Variants in COL19A1 observed in about 807,000 individuals in gnomAD.
The protein encoded by COL19A1 is collagen type XIX alpha 1 chain.
Under a neutral mutation model 190.2 loss-of-function variants are expected in COL19A1, and 159 were observed. The observed-to-expected ratio is 0.84, with a 90% CI of 0.73 to 0.95. COL19A1 has a LOEUF of 0.95. COL19A1 is among the 40% of genes least tolerant of loss of function. COL19A1 has a pLI of 0.00. For synonymous variants in COL19A1, 509 were observed against 458.9 expected (o/e 1.11, Z -1.39); for missense variants, 1,418 against 1,431.9 (o/e 0.99, Z 0.16).
intron 25 of COL19A1, among the ~76,000 whole-genome samples, chr6:70,146,053 G>A (rs79539288): frequency 6.6e-6 from 1 of 151,932 alleles, no homozygotes; most frequent in Non-Finnish European, 1.5e-5. Flanking sequence ...ATAAGCAAAG[G>A]GCTTTCTTCT....
chr6:70,059,311 C>T (rs1049129254), intron 14 of COL19A1, among the ~76,000 whole-genome samples: 4 of 152,112 alleles, frequency 2.6e-5, no homozygotes, highest in Admixed American at 6.6e-5. Flanking sequence ...TTCACTTCAG[C>T]TCCTTTTCTT....
chr6:70,045,666 C>A (rs941252726), intron 14 of COL19A1, among the ~76,000 whole-genome samples: 24 of 152,186 alleles, frequency 1.6e-4, no homozygotes, highest in African/African-American at 5.8e-4. Context: ...GGTTAGGAGT[C>A]AGCCAGAGAT....
chr6:69,868,209 A>AG (rs966552678), intron 1 of COL19A1, among the ~76,000 whole-genome samples: 2 of 146,300 alleles, frequency 1.4e-5, no homozygotes, highest in Non-Finnish European at 3.0e-5. Context: ...GGAAAAAAAA[A>AG]AAAGAAAGAA....
At chr6:70,118,599 T>C (rs1473204346) in intron 16 of COL19A1, among the ~76,000 whole-genome samples, 1 of 152,226 alleles carries the variant, frequency 6.6e-6, no homozygotes, top group African/African-American at 2.4e-5. Flanking sequence ...GAAAATGTCA[T>C]CATAAATACT....
rs555671563 is a variant in COL19A1, at chr6:70,193,428, T to G, written c.3094+3047T>G. 1.5e-3 allele frequency among the ~76,000 whole-genome samples: 235 copies of G among 152,240 alleles called. 1 individual carries two copies. The highest frequency in any genetic ancestry group is 2.4e-3 in the Non-Finnish European group (164 of 67,994). On this transcript the variant is annotated intron_variant, in intron 48 of 50. Transcript: ENST00000620364. ...TTCCTCTCTGAGTTCCTGCCCCTCC[T>G]TCCTCTGTCACAGCCCACCTGCCTG...
intron 48 of COL19A1, among the ~76,000 whole-genome samples, chr6:70,196,315 A>G (rs547939552): frequency 9.2e-5 from 14 of 152,344 alleles, no homozygotes; most frequent in African/African-American, 3.4e-4. Context: ...TGTGAAGCCT[A>G]TGAGTAAAAG....
At chr6:69,987,341 GT>G (rs1248604434) in intron 11 of COL19A1, among the ~76,000 whole-genome samples, 1 of 152,018 alleles carries the variant, frequency 6.6e-6, no homozygotes, top group African/African-American at 2.4e-5. Context: ...TGTTTTTCCT[GT>G]TTTCTCATTT....
chr6:70,025,562 G>A (rs1778687867), intron 12 of COL19A1, among the ~76,000 whole-genome samples: 1 of 152,222 alleles, frequency 6.6e-6, no homozygotes, highest in Non-Finnish European at 1.5e-5. Context: ...CAGGACAAAG[G>A]GGAGATGTGG....
intron 14 of COL19A1, among the ~76,000 whole-genome samples, chr6:70,054,915 A>G (rs1780406747): frequency 6.6e-6 from 1 of 152,176 alleles, no homozygotes; most frequent in Non-Finnish European, 1.5e-5. Flanking sequence ...GAAAAAAGAT[A>G]GTATATTTTA....
chr6:70,196,546 G>A (rs1341165821), intron 48 of COL19A1, among the ~76,000 whole-genome samples: 1 of 152,142 alleles, frequency 6.6e-6, no homozygotes, highest in Non-Finnish European at 1.5e-5. Context: ...ATAGACATGG[G>A]CCAGATGACA....
intron 15 of COL19A1, among the ~76,000 whole-genome samples, chr6:70,100,694 C>T (rs1783577230): frequency 6.6e-6 from 1 of 151,806 alleles, no homozygotes; most frequent in African/African-American, 2.4e-5. Context: ...TGAGGTTTCT[C>T]CATGTTGGCC....
intron 16 of COL19A1, among the ~76,000 whole-genome samples, chr6:70,120,699 C>T (rs1264602018): frequency 6.6e-6 from 1 of 152,156 alleles, no homozygotes; most frequent in Non-Finnish European, 1.5e-5. Flanking sequence ...CCATTATTTT[C>T]TCAAGAATTA....
chr6:70,158,806 A>G (rs1039745576), intron 34 of COL19A1, among the ~76,000 whole-genome samples: 16 of 152,116 alleles, frequency 1.1e-4, no homozygotes, highest in African/African-American at 3.9e-4. Flanking sequence ...AATGGTCTCC[A>G]AATATCTCTG....
At chr6:69,999,646 C>T (rs962105071) in intron 11 of COL19A1, among the ~76,000 whole-genome samples, 1 of 152,098 alleles carries the variant, frequency 6.6e-6, no homozygotes, top group Non-Finnish European at 1.5e-5. Context: ...ATAAAGAGCA[C>T]TGAAATTTGT....
At chr6:70,100,557 CAG>C (rs1783568084) in intron 15 of COL19A1, among the ~76,000 whole-genome samples, 1 of 122,464 alleles carries the variant, frequency 8.2e-6, no homozygotes, top group East Asian at 2.4e-4. Flanking sequence ...TTTTTTGAGA[CAG>C]AGTCTCTGTC....
intron 14 of COL19A1, among the ~76,000 whole-genome samples, chr6:70,056,806 T>A (rs1366853178): frequency 2.0e-5 from 3 of 152,094 alleles, no homozygotes; most frequent in African/African-American, 4.8e-5. Flanking sequence ...GCATGGAGCA[T>A]TTTTCTCCTC....
chr6:69,987,069 A>G (rs1194248025), intron 11 of COL19A1, among the ~76,000 whole-genome samples: 1 of 152,006 alleles, frequency 6.6e-6, no homozygotes, highest in East Asian at 1.9e-4. Context: ...TACAGGCATG[A>G]CTTTTGATAT....
chr6:70,184,587 T>G, intron 44 of COL19A1, 116 bp from the exon 45 acceptor site: 1 of 827,190 alleles, frequency 1.2e-6, no homozygotes, highest in Non-Finnish European at 1.9e-6. Flanking sequence ...CCACCTTTCT[T>G]TACCAAGCTC....
chr6:70,093,058 C>T (rs1783027498), intron 15 of COL19A1, among the ~76,000 whole-genome samples: 1 of 152,052 alleles, frequency 6.6e-6, no homozygotes, highest in African/African-American at 2.4e-5. Context: ...TGACTCTAAA[C>T]CTACAAACAT....
Sources: allele counts gnomAD v4.1 joint callset (sites outside exome capture counted in the v4.1 genomes callset), GRCh38; gene constraint gnomAD v4.1.1; transcripts MANE v1.5; gene names NCBI Gene and HGNC (gene_info 2026-07-23, HGNC 2026-07-21).